PRKACB: variants seen among roughly 807,000 people sequenced by gnomAD.
PRKACB encodes the protein cAMP-dependent protein kinase catalytic subunit beta.
In PRKACB, 16 loss-of-function variants were observed where a neutral mutation model predicts 51.4. The ratio of observed to expected loss-of-function variants is 0.31; its 90% CI spans 0.21 to 0.47. The LOEUF is 0.47. Ranked by LOEUF, PRKACB falls within the 20% of genes least tolerant of loss-of-function variation. The probability of loss-of-function intolerance (pLI) is 1.00; values close to 1 mark genes in which losing one functional copy is unlikely to be tolerated. For synonymous variants in PRKACB, 147 were observed against 154.4 expected, an observed-to-expected ratio of 0.95 and a Z score of 0.35; for missense variants, 309 against 464.5, an observed-to-expected ratio of 0.67 and a Z score of 3.08.
chr1:84,084,178 CA>C (rs1455775197), intron 1 of PRKACB, among the ~76,000 whole-genome samples: 1 of 152,122 alleles, frequency 6.6e-6, no homozygotes, highest in African/African-American at 2.4e-5. Context: ...AAATGTTCAT[CA>C]GATGGATTAT....
At chr1:84,214,364 T>C (rs1572484851) in intron 9 of PRKACB, 47 bp downstream of exon 9, 1 of 1,469,594 alleles carries the variant, frequency 6.8e-7, no homozygotes, top group Non-Finnish European at 9.1e-7. Context: ...AGTTGGTGTT[T>C]AAATTATATG....
chr1:84,203,336 G>A (rs1184468257), intron 8 of PRKACB, among the ~76,000 whole-genome samples: 1 of 151,962 alleles, frequency 6.6e-6, no homozygotes, highest in Non-Finnish European at 1.5e-5. Flanking sequence ...AGCAAACATG[G>A]AAATAACATT....
chr1:84,115,901 A>AG (rs1452820604), intron 1 of PRKACB, among the ~76,000 whole-genome samples: 3 of 148,654 alleles, frequency 2.0e-5, no homozygotes, highest in African/African-American at 7.7e-5. Flanking sequence ...AAAAAAAAAA[A>AG]AAAAAAAAAA....
At chr1:84,085,825 T>A in intron 1 of PRKACB, 1 of 441,732 alleles carries the variant, frequency 2.3e-6, no homozygotes. Context: ...ACCTCTCACT[T>A]CTGGAGCCCT....
Position 84,152,933 on chromosome 1 carries a change from G to C in PRKACB, c.187+8385G>C, listed in dbSNP as rs189890885. 4.0e-4 allele frequency among the ~76,000 whole-genome samples: 61 copies of C among 152,232 alleles called. No individual in the cohort carries two copies. In the East Asian group the frequency reaches 5.0e-3, roughly 13 times the overall value. On this transcript the variant is annotated intron_variant, in intron 1 of 9. Coordinates refer to ENST00000370685, the MANE Select transcript of PRKACB (RefSeq NM_182948.4). Reference sequence around the variant, plus strand: ...GAGGCCTAGCTTTTGGCCTGTCTCAGCTTTCAACATACCATCCTTACTAAG... The same window carrying C: ...GAGGCCTAGCTTTTGGCCTGTCTCACCTTTCAACATACCATCCTTACTAAG...
At chr1:84,223,518 G>A (rs649219) in intron 9 of PRKACB, among the ~76,000 whole-genome samples, 142,099 of 151,842 alleles carry the variant, frequency 0.94, 67,233 homozygotes, top group Non-Finnish European at 1. Context: ...ACAGGCACCC[G>A]CCACCATGCC....
intron 1 of PRKACB, among the ~76,000 whole-genome samples, chr1:84,162,741 A>G (rs1311198028): frequency 6.6e-6 from 1 of 152,046 alleles, no homozygotes; most frequent in Non-Finnish European, 1.5e-5. Flanking sequence ...TCATATATGT[A>G]TAATAGCTAT....
chr1:84,190,139 A>C (rs1666329202), intron 5 of PRKACB, among the ~76,000 whole-genome samples: 1 of 151,910 alleles, frequency 6.6e-6, no homozygotes, highest in African/African-American at 2.4e-5. Flanking sequence ...TTACATTCAT[A>C]TTTTGACTAC....
At chr1:84,162,425 G>A (rs139882899) in intron 1 of PRKACB, among the ~76,000 whole-genome samples, 39 of 151,798 alleles carry the variant, frequency 2.6e-4, no homozygotes, top group African/African-American at 8.9e-4. Context: ...TGAGATATAT[G>A]TTGGTTCCCT....
intron 1 of PRKACB, among the ~76,000 whole-genome samples, chr1:84,166,533 A>G (rs1389767359): frequency 1.3e-5 from 2 of 151,680 alleles, no homozygotes; most frequent in Non-Finnish European, 3.0e-5. Context: ...CCTTCTAGCC[A>G]TTTTATACCA....
Position 84,196,597 on chromosome 1 carries a change from T to G in PRKACB, c.561-19T>G. 6.3e-7 allele frequency: 1 copy of G among 1,599,618 alleles called. No individual in the cohort carries two copies. The highest frequency in any genetic ancestry group is 1.3e-5 in the African/African-American group (1 of 74,422). Reference sequence around the variant, plus strand: ...TTAACTCATTTTTACAGAAAATCAATGGTTTTATTTCTTTGCAGTGAGCCC... The same window carrying G: ...TTAACTCATTTTTACAGAAAATCAAGGGTTTTATTTCTTTGCAGTGAGCCC... On this transcript the variant is annotated intron_variant, in intron 5 of 9. Transcript: ENST00000370685.
intron 1 of PRKACB, among the ~76,000 whole-genome samples, chr1:84,086,809 G>T (rs1648039957): frequency 6.6e-6 from 1 of 152,144 alleles, no homozygotes; most frequent in Non-Finnish European, 1.5e-5. Flanking sequence ...AGCCTCCCGG[G>T]CAGGGGGCAC....
rs1179380518 is a variant in PRKACB at position 84,179,179 on chromosome 1, A to G, written c.190A>G (p.Lys64Glu). 32 of 1,588,370 alleles carry G rather than the reference A, an allele frequency of 2.0e-5. No individual in the cohort carries two copies. The highest frequency in any genetic ancestry group is 2.7e-5 in the Non-Finnish European group (31 of 1,166,532). The change falls in exon 2 of 10, where the codon AAA becomes GAA. Residue 64 changes from lysine (K) to glutamate (E), a missense_variant and splice_region_variant. By Grantham distance (56) the Lys-to-Glu change is moderately conservative. Around this residue, in one of 3 missense-constraint regions of PRKACB, gnomAD observed 153 missense variants for 190.2 expected, o/e 0.80. Coordinates refer to ENST00000370685, the MANE Select transcript of PRKACB (RefSeq NM_182948.4). The stretch of plus-strand genomic sequence containing the variant: ...TGTTTTTATATGTATATTTTCAGTG[A>G]AAGAGTTTCTAGCCAAAGCCAAAGA... ...EHTALWDRSM[K>E]EFLAKAKEDF...
chr1:84,139,941 T>A (rs1332112823), upstream of PRKACB, among the ~76,000 whole-genome samples: 1 of 152,110 alleles, frequency 6.6e-6, no homozygotes, highest in Non-Finnish European at 1.5e-5. Context: ...GCATCTGTAG[T>A]CCCAGCTACT....
At position 84,214,242 on chromosome 1, in the gene PRKACB, AAAG is replaced by A. The variant is rs746464606; in HGVS notation, c.999_1001del (p.Lys333del). The A allele has an allele frequency of 6.2e-7, 1 of 1,613,708 alleles. No homozygotes were observed. The highest frequency in any genetic ancestry group is 8.5e-7 in the Non-Finnish European group (1 of 1,179,798). On this transcript the variant is annotated inframe_deletion, in exon 9 of 10. Coordinates refer to ENST00000370685, the MANE Select transcript of PRKACB (RefSeq NM_182948.4). ...ATTTGACCAAGAGATTTGGAAATCT[AAAG>A]AATGGTGTCAGTGATATAAAAACTC...
At chr1:84,191,572 C>T (rs1032227498) in intron 5 of PRKACB, among the ~76,000 whole-genome samples, 1 of 152,090 alleles carries the variant, frequency 6.6e-6, no homozygotes, top group African/African-American at 2.4e-5. Context: ...TGAATTAACA[C>T]AGGAACAAAA....
intron 1 of PRKACB, among the ~76,000 whole-genome samples, chr1:84,092,383 A>G (rs916801788): frequency 6.6e-6 from 1 of 152,174 alleles, no homozygotes; most frequent in Non-Finnish European, 1.5e-5. Context: ...ATATCATTGT[A>G]TAAGTATAGC....
At chr1:84,207,275 C>G (rs1671478065) in intron 8 of PRKACB, among the ~76,000 whole-genome samples, 1 of 152,144 alleles carries the variant, frequency 6.6e-6, no homozygotes, top group Non-Finnish European at 1.5e-5. Context: ...CTTGTAGACT[C>G]ATTATATCTA....
chr1:84,119,357 C>G (rs1174226143), intron 1 of PRKACB, among the ~76,000 whole-genome samples: 1 of 152,084 alleles, frequency 6.6e-6, no homozygotes, highest in Admixed American at 6.6e-5. Context: ...ACCTGTCCAA[C>G]TATTAAAGAA....
Sources: gnomAD v4.1 joint callset for allele counts (sites outside exome capture counted in the v4.1 genomes callset) on GRCh38, gnomAD v4.1.1 for gene constraint, gnomAD v4.1.1 regional missense constraint, MANE v1.5 for transcripts, NCBI Gene and HGNC (gene_info 2026-07-23, HGNC 2026-07-21) for gene names.